TRRAP: variants seen among roughly 807,000 people sequenced by gnomAD.
TRRAP encodes the protein transformation/transcription domain associated protein.
Under a neutral mutation model 438.8 loss-of-function variants are expected in TRRAP, and 41 were observed. The ratio of observed to expected loss-of-function variants is 0.09; its 90% CI spans 0.07 to 0.12. The LOEUF (loss-of-function observed/expected upper bound fraction) is 0.12, where lower values mean the gene tolerates loss of function less well. Among genes scored for constraint, TRRAP ranks in the 10% least tolerant of loss-of-function variants. The pLI is 1.00. For missense variants in TRRAP, 3,122 were observed against 5,055.1 expected, an observed-to-expected ratio of 0.62 and a Z score of 11.60; for synonymous variants, 1,994 against 1,962.9, an observed-to-expected ratio of 1.02 and a Z score of -0.42.
intron 52 of TRRAP, among the ~76,000 whole-genome samples, chr7:98,970,682 T>G (rs1236200388): frequency 6.6e-6 from 1 of 152,174 alleles, no homozygotes; most frequent in African/African-American, 2.4e-5. Context: ...GAGCTAGTAC[T>G]GCTGAGAACA....
At chr7:98,960,631 G>T (rs537465908) in intron 45 of TRRAP, among the ~76,000 whole-genome samples, 5 of 151,774 alleles carry the variant, frequency 3.3e-5, no homozygotes, top group African/African-American at 1.2e-4. Context: ...TCACTCTGTC[G>T]CCCAGGCTGG....
At chr7:98,919,072 T>C (rs1281858356) in intron 20 of TRRAP, among the ~76,000 whole-genome samples, 2 of 151,970 alleles carry the variant, frequency 1.3e-5, no homozygotes, top group African/African-American at 4.8e-5. Context: ...TGTGATCTGG[T>C]TGGTAATTGT....
At chr7:98,943,125 G>GT in intron 31 of TRRAP, 108 bp downstream of exon 31, 3 of 1,111,734 alleles carry the variant, frequency 2.7e-6, no homozygotes, top group Non-Finnish European at 4.0e-6. Flanking sequence ...CTAGTTTGAC[G>GT]TGATTGTAGT....
chr7:98,964,161 A>T (rs551236011), intron 47 of TRRAP, among the ~76,000 whole-genome samples: 1 of 151,778 alleles, frequency 6.6e-6, no homozygotes, highest in East Asian at 1.9e-4. Flanking sequence ...AGATAATTCT[A>T]CTCAGTGTTT....
chr7:98,949,904 C>T (rs782172514), intron 37 of TRRAP, 63 bp downstream of exon 37: 8 of 1,578,116 alleles, frequency 5.1e-6, no homozygotes, highest in African/African-American at 1.4e-5. Flanking sequence ...CAGCCAGAGC[C>T]TCCTTCTACT....
chr7:98,939,235 C>T (rs1468615675), intron 30 of TRRAP, among the ~76,000 whole-genome samples: 1 of 152,088 alleles, frequency 6.6e-6, no homozygotes, highest in Non-Finnish European at 1.5e-5. Flanking sequence ...GTGTACCTTT[C>T]CCCCAACTAT....
intron 58 of TRRAP, among the ~76,000 whole-genome samples, chr7:98,979,696 T>A (rs546152729): frequency 6.6e-6 from 1 of 152,356 alleles, no homozygotes; most frequent in East Asian, 1.9e-4. Context: ...GCTGGATATA[T>A]GCAGCGTCAC....
In TRRAP at chr7:98,910,195, C is replaced by T. The variant is rs149973553; in HGVS notation, c.1490C>T (p.Ala497Val). 2.5e-6 allele frequency: 4 copies of T among 1,605,362 alleles called. No individual in the cohort carries two copies. The highest frequency in any genetic ancestry group is 4.5e-5 in the East Asian group (2 of 44,852). The change falls in exon 15 of 73, where the codon GCT becomes GTT. Residue 497 changes from alanine to valine, a missense_variant. Physicochemically the swap from Ala to Val is moderately conservative, Grantham distance 64. Transcript: ENST00000456197. ...VPTAPAAPGP[A>V]PSPAPVPAPP... ...ACTGCCCCTGCAGCTCCTGGCCCTG[C>T]TCCCTCCCCAGCCCCTGTCCCTGCC...
At chr7:98,987,378 T>G (rs968051256) in intron 62 of TRRAP, among the ~76,000 whole-genome samples, 1 of 152,244 alleles carries the variant, frequency 6.6e-6, no homozygotes, top group African/African-American at 2.4e-5. Context: ...AGTTTAGGTC[T>G]TCTTTAGTTT....
At chr7:98,922,099 G>A (rs553561825) in intron 21 of TRRAP, 146 bp downstream of exon 21, 2 of 1,149,954 alleles carry the variant, frequency 1.7e-6, no homozygotes, top group East Asian at 2.6e-5. Flanking sequence ...TGGCACAGGG[G>A]CTTTCCTAAT....
intron 14 of TRRAP, among the ~76,000 whole-genome samples, chr7:98,909,384 G>A (rs1234756728): frequency 6.6e-6 from 1 of 152,204 alleles, no homozygotes; most frequent in Non-Finnish European, 1.5e-5. Flanking sequence ...GATCCCAGGA[G>A]TTAGACCACC....
intron 30 of TRRAP, among the ~76,000 whole-genome samples, chr7:98,942,348 G>A (rs185804584): frequency 2.8e-4 from 42 of 152,286 alleles, no homozygotes; most frequent in African/African-American, 8.4e-4. Context: ...CGTGGCCACC[G>A]TTCCTTCTGT....
In TRRAP at chr7:98,925,296, T is replaced by C. The variant is rs373437475; in HGVS notation, c.2975+33T>C. 14 of 1,606,120 alleles carry C rather than the reference T, an allele frequency of 8.7e-6. No homozygotes were observed. In the African/African-American group the frequency reaches 9.4e-5, roughly 11 times the overall value. ...GGCCACTTCCTTCTGTGTGGTTGGG[T>C]GGATCCTGTTTTAGGAATTGGGGCT... On this transcript the variant is annotated intron_variant, in intron 22 of 72. Transcript: ENST00000456197.
intron 17 of TRRAP, 111 bp downstream of exon 17, chr7:98,911,382 C>T (rs1425719808): frequency 3.1e-5 from 33 of 1,066,910 alleles, no homozygotes; most frequent in Non-Finnish European, 4.2e-5. Context: ...CAAGGATGTG[C>T]TTATAGCTCA....
chr7:98,900,706 A>G lies in TRRAP; in HGVS notation c.883A>G (p.Ile295Val), dbSNP rs782471062. The G allele has an allele frequency of 4.3e-6, 7 of 1,613,234 alleles. No homozygotes were observed. The highest frequency in any genetic ancestry group is 3.3e-5 in the South Asian group (3 of 90,876). ...IKTLSFLAYI[I>V]RIYQELVTKY... ...AACATTGTCATTTTTAGCTTACATT[A>G]TCAGGATTTACCAGGTAAGGTCATT... Residue 295 changes from isoleucine (I) to valine (V), a missense_variant, in exon 11 of 73, where the codon ATC (isoleucine) becomes GTC (valine). By Grantham distance (29) the Ile-to-Val change is conservative. Around this residue, in one of 24 missense-constraint regions of TRRAP, gnomAD observed 343 missense variants for 564.0 expected, o/e 0.61. Coordinates refer to ENST00000456197, the MANE Select transcript of TRRAP (RefSeq NM_001375524.1).
intron 26 of TRRAP, among the ~76,000 whole-genome samples, chr7:98,932,201 C>T (rs1308628583): frequency 1.3e-5 from 2 of 152,030 alleles, no homozygotes; most frequent in African/African-American, 4.8e-5. Context: ...GCAAGCTCTG[C>T]CTCCCAGGTT....
At chr7:98,894,838 T>C (rs1472731357) in intron 6 of TRRAP, among the ~76,000 whole-genome samples, 1 of 147,994 alleles carries the variant, frequency 6.8e-6, no homozygotes, top group African/African-American at 2.5e-5. Flanking sequence ...GGTTTCACCA[T>C]GTTGCCAAGC....
At chr7:98,988,314 C>T (rs770753962) in intron 62 of TRRAP, among the ~76,000 whole-genome samples, 7 of 152,120 alleles carry the variant, frequency 4.6e-5, no homozygotes, top group Non-Finnish European at 8.8e-5. Context: ...GATACCTGTT[C>T]GGGAATGTTT....
chr7:98,922,158 G>A (rs1328427119), intron 21 of TRRAP, among the ~76,000 whole-genome samples: 1 of 152,122 alleles, frequency 6.6e-6, no homozygotes, highest in African/African-American at 2.4e-5. Context: ...GTACTCTGGA[G>A]CAGCCCCCTC....
Sources: gnomAD v4.1 joint callset for allele counts (sites outside exome capture counted in the v4.1 genomes callset) on GRCh38, gnomAD v4.1.1 for gene constraint, gnomAD v4.1.1 regional missense constraint, MANE v1.5 for transcripts, NCBI Gene and HGNC (gene_info 2026-07-23, HGNC 2026-07-21) for gene names.